Variants in SLC9A3 observed in about 807,000 individuals in gnomAD.
SLC9A3 encodes the protein solute carrier family 9 member A3, also known as sodium/hydrogen exchanger 3.
In SLC9A3, 37 loss-of-function variants were observed where a neutral mutation model predicts 86.8. That is an observed-to-expected ratio of 0.43 (90% CI 0.33 to 0.56). The LOEUF (loss-of-function observed/expected upper bound fraction) is 0.56, where lower values mean the gene tolerates loss of function less well. Among genes scored for constraint, SLC9A3 ranks in the 20% least tolerant of loss-of-function variants. The pLI, the probability that SLC9A3 is intolerant of heterozygous loss-of-function variation, is 0.06. For missense variants in SLC9A3, 1,011 were observed against 1,171.9 expected (o/e 0.86, Z 2.00); for synonymous variants, 581 against 528.3 (o/e 1.10, Z -1.37).
At chr5:477,711 C>CT (rs1159936755) in intron 10 of SLC9A3, 9 of 430,206 alleles carry the variant, frequency 2.1e-5, no homozygotes, top group Non-Finnish European at 3.7e-5. Flanking sequence ...ACACAGTGGT[C>CT]TGAGTGTGAA....
At chr5:513,667 G>A in intron 1 of SLC9A3, among the ~76,000 whole-genome samples, 1 of 152,180 alleles carries the variant, frequency 6.6e-6, no homozygotes, top group South Asian at 2.1e-4. Context: ...CACCTCCATG[G>A]GACACACGTG....
chr5:506,670 T>C (rs1406574908), intron 1 of SLC9A3, among the ~76,000 whole-genome samples: 2 of 152,226 alleles, frequency 1.3e-5, no homozygotes, highest in African/African-American at 4.8e-5. Flanking sequence ...TTCTGGGCAG[T>C]TGTAAAGACT....
rs1228126484 is a variant in SLC9A3, at chr5:472,744, G to C, written c.*635C>G. The C allele has an allele frequency of 6.9e-6, 4 of 582,026 alleles. No individual in the cohort carries two copies. Among genetic ancestry groups the C allele is most frequent in the Non-Finnish European group, 1.3e-5 (4 of 307,872 alleles). The allele number at this position is 582,026 out of a possible 1,614,324, so 36.1% of individuals were successfully genotyped here. A position where few individuals can be genotyped will look rare whatever the true frequency, so the allele number is the denominator to read the frequency against. On this transcript the variant is annotated 3_prime_UTR_variant, in exon 17 of 17. Coordinates refer to ENST00000264938, the MANE Select transcript of SLC9A3 (RefSeq NM_004174.4). ...CGGCCCAGGCCGCTTGCGGGCGCTG[G>C]GCCTGCAGCCGCTGCAGGTCGGGCC... is the stretch of plus-strand genomic sequence containing the variant.
At chr5:473,405 C>G in intron 16 of SLC9A3, 23 bp from the exon 17 acceptor site, 1 of 1,391,006 alleles carries the variant, frequency 7.2e-7, no homozygotes. Flanking sequence ...AAGGCGTGAG[C>G]GGCGCGCGGA....
rs767767021 is a variant in SLC9A3, at chr5:479,872, C to T, written c.1611G>A (p.Glu537=). 2 of 1,613,922 alleles carry T rather than the reference C, an allele frequency of 1.2e-6. No homozygotes were observed. The highest frequency in any genetic ancestry group is 3.3e-5 in the Admixed American group (2 of 60,028). Reference sequence around the variant, plus strand: ...AGCTGATGGCATCCTTCAGGTTCAGCTCGTGGAAGACATTCAGGATCCGGT... The same window carrying T: ...AGCTGATGGCATCCTTCAGGTTCAGTTCGTGGAAGACATTCAGGATCCGGT... ...SRDRILNVFH[E]LNLKDAISYV... Residue 537 remains glutamate, a synonymous_variant, in exon 10 of 17, where the codon GAG becomes GAA. Transcript: ENST00000264938.
In SLC9A3 at chr5:497,920, C is replaced by T. The variant is rs115289191; in HGVS notation, c.212-5849G>A. On this transcript the variant is annotated intron_variant, in intron 1 of 16. Coordinates refer to ENST00000264938, the MANE Select transcript of SLC9A3 (RefSeq NM_004174.4). This position sits in a 1 kb window ranked among gnomAD's most constrained non-coding sequence, Gnocchi z 5.4. ...TGGGGTCGCCCGGCCGCATCCCCAG[C>T]CTCTGCCCTCCGACAACTCAGGCAC... Among the ~76,000 whole-genome samples the T allele has an allele frequency of 0.049, 5,639 of 114,710 alleles. 581 individuals are homozygous for T. The highest frequency in any genetic ancestry group is 0.088 in the Non-Finnish European group (3,954 of 45,078). 75.3% of individuals were successfully genotyped at this position (114,710 alleles called of 152,430 possible).
In SLC9A3 at chr5:497,351, T is replaced by C. The variant is rs1484172748; in HGVS notation, c.212-5280A>G. Among the ~76,000 whole-genome samples the C allele has an allele frequency of 6.6e-6, 1 of 152,124 alleles. No homozygotes were observed. The highest frequency in any genetic ancestry group is 2.4e-5 in the African/African-American group (1 of 41,428). ...CCCACTGCCCTCGAAACCTGGTTTCTCTGCTCCCGGGTCTCAAATCCGGGT... is the reference window on the plus strand; with the variant it reads ...CCCACTGCCCTCGAAACCTGGTTTCCCTGCTCCCGGGTCTCAAATCCGGGT... On this transcript the variant is annotated intron_variant, in intron 1 of 16. Transcript: ENST00000264938. The surrounding 1 kb of genome is among the most constrained non-coding windows in gnomAD (Gnocchi z 5.4).
chr5:516,910 G>T (rs1258502365), intron 1 of SLC9A3, among the ~76,000 whole-genome samples: 1 of 152,222 alleles, frequency 6.6e-6, no homozygotes, highest in Non-Finnish European at 1.5e-5. Context: ...TTCAGCCGAG[G>T]AGCTGAGACA....
In SLC9A3 at chr5:475,284, C is replaced by G; in HGVS notation, c.2252-152G>C. On this transcript the variant is annotated intron_variant, in intron 15 of 16. Transcript: ENST00000264938. ...GCCTTTCAGGTTGCGGGCCCTTCCC[C>G]CACATCCATGACCCCACACGCCACA... 3 of 759,102 alleles carry G rather than the reference C, an allele frequency of 4.0e-6. No individual in the cohort carries two copies. In the South Asian group the frequency reaches 5.4e-5, roughly 14 times the overall value. 47.0% of individuals were successfully genotyped at this position (759,102 alleles called of 1,614,324 possible). A position where few individuals can be genotyped will look rare whatever the true frequency, so the allele number is the denominator to read the frequency against.
intron 1 of SLC9A3, among the ~76,000 whole-genome samples, chr5:501,355 C>T (rs1054579197): frequency 5.3e-5 from 8 of 152,220 alleles, no homozygotes; most frequent in African/African-American, 1.7e-4. Flanking sequence ...AATGCAACAG[C>T]GCAGTCAATC....
chr5:484,480 G>A (rs1363165359), intron 5 of SLC9A3, 40 bp downstream of exon 5: 5 of 1,599,378 alleles, frequency 3.1e-6, no homozygotes, highest in Middle Eastern at 1.7e-4. Flanking sequence ...AAGCTCGGGA[G>A]GAGGGCGTGG....
rs73042915 is a variant in SLC9A3, at chr5:488,263, G to T, written c.675+53C>A. ...GACTGACCGATGGGGGGTGAGACGGGGCCCAGGCCTCCCACGGCTCGCCCG... is the reference window on the plus strand; with the variant it reads ...GACTGACCGATGGGGGGTGAGACGGTGCCCAGGCCTCCCACGGCTCGCCCG... On this transcript the variant is annotated intron_variant, in intron 3 of 16. Transcript: ENST00000264938. 9.7e-3 allele frequency: 15,390 copies of T among 1,593,622 alleles called. 527 individuals carry two copies. The highest frequency in any genetic ancestry group is 0.087 in the African/African-American group (6,504 of 74,556).
chr5:483,115 C>T, intron 6 of SLC9A3, 147 bp downstream of exon 6: 1 of 663,558 alleles, frequency 1.5e-6, no homozygotes, highest in Non-Finnish European at 2.6e-6. Flanking sequence ...CCCACCCCAG[C>T]CCCGAGGCCG....
At position 524,258 on chromosome 5, in the gene SLC9A3, A is replaced by G; in HGVS notation, c.65T>C (p.Leu22Pro). Residue 22 changes from leucine to proline, a missense_variant, in exon 1 of 17, where the codon CTG becomes CCG. Transcript: ENST00000264938. ...CACCTCGACGCCCCCGGCCCGCGCC[A>G]GCCCGCCCAGCGCCAGCGCCAGCAG... is the stretch of plus-strand genomic sequence containing the variant. ...GLLLALALGG[L>P]ARAGGVEVEP... 1 of 1,404,246 alleles carries G rather than the reference A, an allele frequency of 7.1e-7. No individual in the cohort carries two copies. The highest frequency in any genetic ancestry group is 1.5e-5 in the South Asian group (1 of 64,618). 87.0% of individuals were successfully genotyped at this position (1,404,246 alleles called of 1,614,324 possible).
In SLC9A3 at chr5:482,727, G is replaced by A. The variant is rs1739268994; in HGVS notation, c.1177C>T (p.Leu393=). The change falls in exon 7 of 17, where the codon CTG becomes TTG. Residue 393 remains leucine, a synonymous_variant. Coordinates refer to ENST00000264938, the MANE Select transcript of SLC9A3 (RefSeq NM_004174.4). ...AIGVVLQTWL[L]NRYRMVQLEP... ...AGCTGCACCATGCGGTAGCGGTTCA[G>A]AAGCCAGGTCTGCAGGACCACACCT... 6.2e-7 allele frequency: 1 copy of A among 1,608,902 alleles called. No homozygotes were observed. Among genetic ancestry groups the A allele is most frequent in the Non-Finnish European group, 8.5e-7 (1 of 1,178,292 alleles).
rs1383701029 is a variant in SLC9A3 at position 472,425 on chromosome 5, C to T, written c.*954G>A. The T allele has an allele frequency of 3.0e-6, 1 of 336,934 alleles. No homozygotes were observed. The highest frequency in any genetic ancestry group is 2.2e-5 in the African/African-American group (1 of 44,810). The allele number at this position is 336,934 out of a possible 1,614,324, so 20.9% of individuals were successfully genotyped here. ...CTGGGCCCCACCATCCACTTAAGGA[C>T]TGGCCGTGATTCTTGGCAAGCTCCG... On this transcript the variant is annotated 3_prime_UTR_variant, in exon 17 of 17. Coordinates refer to ENST00000264938, the MANE Select transcript of SLC9A3 (RefSeq NM_004174.4).
intron 13 of SLC9A3, 53 bp from the exon 14 acceptor site, chr5:476,145 T>A (rs1425444681): frequency 6.2e-7 from 1 of 1,611,958 alleles, no homozygotes; most frequent in Non-Finnish European, 8.5e-7. Flanking sequence ...CACCCAGCCC[T>A]GACTGCCCCC....
Position 483,446 on chromosome 5 carries a change from C to A in SLC9A3, c.969G>T (p.Val323=). 6.3e-7 allele frequency: 1 copy of A among 1,586,758 alleles called. No individual in the cohort carries two copies. The highest frequency in any genetic ancestry group is 1.3e-5 in the African/African-American group (1 of 74,468). Residue 323 remains valine (V), a synonymous_variant, in exon 6 of 17, where the codon GTG becomes GTT. Transcript: ENST00000264938. ...CCGACTGCTCCGAGATGTTGGCCTT[C>A]ACATACTTCTGACAGCAGATGCCAC... The part of the protein sequence containing the change: ...TFCGICCQKY[V]KANISEQSAT...
intron 10 of SLC9A3, chr5:477,715 G>T (rs1377419580): frequency 7.2e-6 from 3 of 416,602 alleles, no homozygotes; most frequent in Non-Finnish European, 1.3e-5. Flanking sequence ...AGTGGTCTGA[G>T]TGTGAAGGGG....
Sources: allele counts gnomAD v4.1 joint callset (sites outside exome capture counted in the v4.1 genomes callset), GRCh38; gene constraint gnomAD v4.1.1; non-coding constraint Gnocchi (gnomAD v3.1); transcripts MANE v1.5; gene names NCBI Gene and HGNC (gene_info 2026-07-23, HGNC 2026-07-21).